The following NELL1 variants were observed in gnomAD, a reference collection of about 807,000 sequenced individuals.
NELL1 encodes the protein protein kinase C-binding protein NELL1.
NELL1 carries 76 observed loss-of-function variants against 107.4 expected under a neutral mutation model. The observed-to-expected ratio is 0.71, with a 90% CI of 0.59 to 0.86. The LOEUF is 0.86. Among genes scored for constraint, NELL1 ranks in the 40% least tolerant of loss-of-function variants. NELL1 has a pLI of 0.00. For missense variants in NELL1, 1,024 were observed against 1,005.5 expected (o/e 1.02, Z -0.25); for synonymous variants, 353 against 341.2 (o/e 1.03, Z -0.38).
chr11:21,196,561 A>T (rs1003578198), intron 13 of NELL1, among the ~76,000 whole-genome samples: 5 of 152,030 alleles, frequency 3.3e-5, no homozygotes, highest in African/African-American at 1.2e-4. Flanking sequence ...GTCTTCATTT[A>T]TGTGTCCTCA....
At chr11:21,483,318 AG>A (rs1854538778) in intron 15 of NELL1, among the ~76,000 whole-genome samples, 1 of 152,162 alleles carries the variant, frequency 6.6e-6, no homozygotes. Flanking sequence ...TTCCAGGTAA[AG>A]CTAATGTGTT....
intron 5 of NELL1, among the ~76,000 whole-genome samples, chr11:20,915,838 A>G (rs1299683215): frequency 1.4e-5 from 2 of 147,410 alleles, no homozygotes; most frequent in African/African-American, 2.5e-5. Flanking sequence ...TGCTTCTTTT[A>G]TCAGCAAATG....
chr11:20,781,270 G>C (rs1399223125), intron 2 of NELL1, among the ~76,000 whole-genome samples: 2 of 152,206 alleles, frequency 1.3e-5, no homozygotes, highest in Non-Finnish European at 2.9e-5. Context: ...TTGAGGAACA[G>C]GGTGTGACCG....
intron 2 of NELL1, among the ~76,000 whole-genome samples, chr11:20,777,809 C>T (rs183754749): frequency 7.4e-6 from 1 of 134,810 alleles, no homozygotes; most frequent in African/African-American, 3.3e-5. Flanking sequence ...CTGAGGCGGG[C>T]TGCCTTGGTG....
intron 15 of NELL1, among the ~76,000 whole-genome samples, chr11:21,386,348 G>A (rs1365903351): frequency 6.6e-6 from 1 of 151,790 alleles, no homozygotes; most frequent in African/African-American, 2.4e-5. Context: ...TGTTGGATTT[G>A]CGTATCATGT....
intron 14 of NELL1, among the ~76,000 whole-genome samples, chr11:21,282,533 G>A (rs1849021552): frequency 6.6e-6 from 1 of 151,288 alleles, no homozygotes; most frequent in East Asian, 1.9e-4. Flanking sequence ...TAAGATGCCG[G>A]CAAGGGTGTA....
At chr11:21,129,944 A>G (rs2133755589) in intron 13 of NELL1, among the ~76,000 whole-genome samples, 1 of 152,250 alleles carries the variant, frequency 6.6e-6, no homozygotes, top group African/African-American at 2.4e-5. Flanking sequence ...ATTTTACTTC[A>G]ACTAAAACAT....
intron 12 of NELL1, among the ~76,000 whole-genome samples, chr11:20,960,792 G>C (rs545210885): frequency 1.7e-4 from 26 of 152,236 alleles, no homozygotes; most frequent in African/African-American, 6.3e-4. Flanking sequence ...AGAAGCAAAG[G>C]CAACAGGGAC....
chr11:21,505,951 T>C (rs190347688), intron 15 of NELL1, among the ~76,000 whole-genome samples: 227 of 152,306 alleles, frequency 1.5e-3, no homozygotes, highest in Non-Finnish European at 2.4e-3. Context: ...AGTTTTCTCC[T>C]GGGTGCATAC....
intron 14 of NELL1, among the ~76,000 whole-genome samples, chr11:21,350,014 A>T (rs2133718370): frequency 6.6e-6 from 1 of 152,274 alleles, no homozygotes; most frequent in South Asian, 2.1e-4. Context: ...ATAATTTTTA[A>T]AAATCTGATA....
At chr11:21,090,652 C>A (rs1294600967) in intron 12 of NELL1, among the ~76,000 whole-genome samples, 2 of 152,124 alleles carry the variant, frequency 1.3e-5, no homozygotes, top group African/African-American at 4.8e-5. Flanking sequence ...ACTTTGGCTA[C>A]CTCGACCTGC....
rs188644534 is a variant in NELL1, at chr11:21,153,468, T to A, written c.1426+39754T>A. Among the ~76,000 whole-genome samples, 207 of 152,242 alleles carry A rather than the reference T, an allele frequency of 1.4e-3. 3 individuals are homozygous for A. Among genetic ancestry groups the A allele is most frequent in the African/African-American group, 4.7e-3 (197 of 41,560 alleles). On this transcript the variant is annotated intron_variant, in intron 13 of 19. Transcript: ENST00000357134. ...AATTATTTATTAAGCACTTGCTGTGTAACAGGCACTGTACTAGGCACTGGG... is the reference window on the plus strand; with the variant it reads ...AATTATTTATTAAGCACTTGCTGTGAAACAGGCACTGTACTAGGCACTGGG...
chr11:21,269,559 A>G (rs938587764), intron 14 of NELL1, among the ~76,000 whole-genome samples: 7 of 152,110 alleles, frequency 4.6e-5, no homozygotes, highest in East Asian at 1.9e-4. Flanking sequence ...GTTGAGGGAA[A>G]AAAAGCAACT....
intron 15 of NELL1, among the ~76,000 whole-genome samples, chr11:21,386,105 C>G (rs1386393400): frequency 6.6e-6 from 1 of 151,738 alleles, no homozygotes; most frequent in Non-Finnish European, 1.5e-5. Context: ...GTTTTCTCTT[C>G]CATCTCTTCT....
At chr11:21,215,350 A>T (rs1391006662) in intron 13 of NELL1, among the ~76,000 whole-genome samples, 1 of 152,206 alleles carries the variant, frequency 6.6e-6, no homozygotes, top group Non-Finnish European at 1.5e-5. Context: ...TTTCCTTTAT[A>T]AATTACCTAG....
intron 2 of NELL1, among the ~76,000 whole-genome samples, chr11:20,683,568 A>G (rs1340730774): frequency 6.6e-6 from 1 of 151,996 alleles, no homozygotes; most frequent in Non-Finnish European, 1.5e-5. Flanking sequence ...GTGTAACTTT[A>G]TATTTCCACC....
chr11:21,540,295 GTA>G (rs1406016282), intron 16 of NELL1, among the ~76,000 whole-genome samples: 1 of 151,986 alleles, frequency 6.6e-6, no homozygotes, highest in African/African-American at 2.4e-5. Flanking sequence ...CTATCTAACT[GTA>G]TGTTTGAACC....
intron 15 of NELL1, among the ~76,000 whole-genome samples, chr11:21,400,915 C>A (rs1005964325): frequency 1.3e-5 from 2 of 151,794 alleles, no homozygotes; most frequent in Non-Finnish European, 2.9e-5. Context: ...AAGAGAGGAG[C>A]CAGGGAAGGG....
chr11:20,980,320 T>G (rs1851724849), intron 12 of NELL1, among the ~76,000 whole-genome samples: 1 of 152,176 alleles, frequency 6.6e-6, no homozygotes, highest in Non-Finnish European at 1.5e-5. Context: ...ACAATCTTCA[T>G]TTTTAAAGAT....
Sources: gnomAD v4.1 joint callset for allele counts (sites outside exome capture counted in the v4.1 genomes callset) on GRCh38, gnomAD v4.1.1 for gene constraint, MANE v1.5 for transcripts, NCBI Gene and HGNC (gene_info 2026-07-23, HGNC 2026-07-21) for gene names.